The following MRNIP variants were observed in gnomAD, a reference collection of about 807,000 sequenced individuals.
MRNIP encodes MRN complex interacting protein, also known as MRN complex-interacting protein.
MRNIP carries 30 observed loss-of-function variants against 29.8 expected under a neutral mutation model. That is an observed-to-expected ratio of 1.01 (90% CI 0.75 to 1.36). The LOEUF is 1.36. Among genes scored for constraint, MRNIP ranks in the 40% most tolerant of loss-of-function variants. MRNIP has a pLI of 0.00. For missense variants in MRNIP, 459 were observed against 423.5 expected (o/e 1.08, Z -0.74); for synonymous variants, 201 against 164.1 (o/e 1.23, Z -1.72).
intron 4 of MRNIP, among the ~76,000 whole-genome samples, chr5:179,843,657 T>G (rs1315170470): frequency 6.6e-6 from 1 of 152,110 alleles, no homozygotes; most frequent in African/African-American, 2.4e-5. Flanking sequence ...GGAGGATCAC[T>G]TCAGCCCAGG....
At chr5:179,851,317 G>A (rs931765768) in intron 2 of MRNIP, 1 of 455,958 alleles carries the variant, frequency 2.2e-6, no homozygotes, top group Non-Finnish European at 4.4e-6. Flanking sequence ...GAGTCAGCCT[G>A]GGCCAACCAG....
intron 3 of MRNIP, among the ~76,000 whole-genome samples, chr5:179,845,354 G>A (rs1403754275): frequency 2.6e-5 from 4 of 151,926 alleles, no homozygotes; most frequent in Admixed American, 6.6e-5. Context: ...TCACTATGTT[G>A]GCCAGGCTGG....
intron 2 of MRNIP, chr5:179,851,109 G>T: frequency 2.4e-6 from 1 of 414,826 alleles, no homozygotes; most frequent in Non-Finnish European, 4.9e-6. Context: ...TGTTACTGTG[G>T]CCTAGTCAGC....
chr5:179,837,552 G>C lies in MRNIP; in HGVS notation c.871C>G (p.Pro291Ala), dbSNP rs1253993599. 1.2e-6 allele frequency: 2 copies of C among 1,614,212 alleles called. No homozygotes were observed. Among genetic ancestry groups the C allele is most frequent in the Non-Finnish European group, 1.7e-6 (2 of 1,180,022 alleles). The change falls in exon 7 of 7, where the codon CCC becomes GCC. Residue 291 changes from proline (P) to alanine (A), a missense_variant. Pro to Ala is a conservative substitution (Grantham distance 27, BLOSUM62 -1). Coordinates refer to ENST00000292586, the MANE Select transcript of MRNIP (RefSeq NM_016175.4). ...GGCCTCTCAGACCCAGATGTGACGG[G>C]GTGTGTGGCCCGAGGAAGCTGGACA... ...AAVQLPRATH[P>A]VTSGSERPCG...
At chr5:179,853,482 C>T in intron 1 of MRNIP, 45 bp from the exon 2 acceptor site, 5 of 1,531,076 alleles carry the variant, frequency 3.3e-6, no homozygotes, top group South Asian at 1.1e-5. Context: ...TTATTTAAAA[C>T]AAAATGGAAT....
chr5:179,851,678 C>CT (rs1246393473), intron 2 of MRNIP, among the ~76,000 whole-genome samples: 6 of 151,434 alleles, frequency 4.0e-5, no homozygotes, highest in Non-Finnish European at 5.9e-5. Flanking sequence ...TTTTTTTTCC[C>CT]TTTTTTAAAA....
intron 3 of MRNIP, among the ~76,000 whole-genome samples, chr5:179,846,758 G>C (rs1214479081): frequency 6.6e-6 from 1 of 152,152 alleles, no homozygotes; most frequent in East Asian, 1.9e-4. Flanking sequence ...AAATCTTAGA[G>C]ATATTTCCCC....
intron 2 of MRNIP, among the ~76,000 whole-genome samples, chr5:179,852,003 C>G (rs1759390921): frequency 6.6e-6 from 1 of 151,266 alleles, no homozygotes; most frequent in African/African-American, 2.4e-5. Context: ...TAAAAAATAT[C>G]AGGTGAAGGC....
Position 179,842,936 on chromosome 5 carries a change from G to A in MRNIP, c.292-872C>T, listed in dbSNP as rs550514476. 7.9e-5 allele frequency among the ~76,000 whole-genome samples: 12 copies of A among 151,970 alleles called. No homozygotes were observed. In the South Asian group the frequency reaches 2.5e-3, roughly 32 times the overall value. ...TAATCCCAGCTTCTTGGGAGGCTGA[G>A]GCAGGAGAATTGCTTGAACTCAGGA... On this transcript the variant is annotated intron_variant, in intron 4 of 6. Coordinates refer to ENST00000292586, the MANE Select transcript of MRNIP (RefSeq NM_016175.4).
intron 4 of MRNIP, among the ~76,000 whole-genome samples, chr5:179,842,516 T>TAA (rs768324237): frequency 4.2e-4 from 55 of 130,498 alleles, no homozygotes; most frequent in African/African-American, 1.3e-3. Flanking sequence ...CCGTCTCTAC[T>TAA]AAAAAAAAAA....
At chr5:179,849,387 G>C (rs951670666) in intron 2 of MRNIP, among the ~76,000 whole-genome samples, 1 of 151,308 alleles carries the variant, frequency 6.6e-6, no homozygotes, top group Non-Finnish European at 1.5e-5. Context: ...AATGACACAG[G>C]CAGATGGTAA....
chr5:179,857,507 T>C (rs1243181548), intron 1 of MRNIP, among the ~76,000 whole-genome samples: 1 of 152,056 alleles, frequency 6.6e-6, no homozygotes, highest in African/African-American at 2.4e-5. Flanking sequence ...GAAAATTTGT[T>C]TTTAAAAAAC....
chr5:179,842,190 A>G (rs992187434), intron 4 of MRNIP, 126 bp from the exon 5 acceptor site: 2 of 936,884 alleles, frequency 2.1e-6, no homozygotes. Flanking sequence ...TAGGAAAGGC[A>G]CCGGCTGGAA....
chr5:179,844,371 G>C, intron 3 of MRNIP, 144 bp from the exon 4 acceptor site: 1 of 641,610 alleles, frequency 1.6e-6, no homozygotes, highest in Non-Finnish European at 2.8e-6. Context: ...TGACGAACAC[G>C]GTGGTGCATA....
In MRNIP at chr5:179,858,011, C is replaced by CA. The variant is rs762726244; in HGVS notation, c.66+719dup. ...GGGCAACAAGAGCGAAACTCCGTCT[C>CA]AAAAAAAAAAAAAAAAGAAGAAGAA... is the stretch of plus-strand genomic sequence containing the variant. On this transcript the variant is annotated intron_variant, in intron 1 of 6. Coordinates refer to ENST00000292586, the MANE Select transcript of MRNIP (RefSeq NM_016175.4). Among the ~76,000 whole-genome samples, 334 of 77,220 alleles carry CA rather than the reference C, an allele frequency of 4.3e-3. 3 individuals are homozygous for CA. Among genetic ancestry groups the CA allele is most frequent in the Middle Eastern group, 8.2e-3 (1 of 122 alleles). The allele number at this position is 77,220 out of a possible 152,430, so 50.7% of individuals were successfully genotyped here. A position where few individuals can be genotyped will look rare whatever the true frequency, so the allele number is the denominator to read the frequency against.
At chr5:179,847,677 A>T (rs1582048978) in intron 3 of MRNIP, 2 of 259,214 alleles carry the variant, frequency 7.7e-6, no homozygotes, top group East Asian at 1.9e-4. Flanking sequence ...CTGTGTCAAG[A>T]GCCTTCAGCT....
rs1445357099 is a variant in MRNIP, at chr5:179,858,613, T to A, written c.66+118A>T. On this transcript the variant is annotated intron_variant, in intron 1 of 6. Transcript: ENST00000292586. The stretch of plus-strand genomic sequence containing the variant: ...AATGAGACCCGCCCTCAGCGGTCCC[T>A]GCACTCCTTCGGGCCCGGTGCATCC... 7.7e-6 allele frequency: 5 copies of A among 648,624 alleles called. No homozygotes were observed. The Admixed American group carries it at 9.3e-5, about 12-fold the overall frequency. The allele number at this position is 648,624 out of a possible 1,614,324, so 40.2% of individuals were successfully genotyped here.
chr5:179,851,249 A>G, intron 2 of MRNIP: 1 of 455,980 alleles, frequency 2.2e-6, no homozygotes, highest in Non-Finnish European at 4.4e-6. Flanking sequence ...CTACCTGGTA[A>G]GCCAGCCCCT....
At chr5:179,852,075 G>GT in intron 2 of MRNIP, among the ~76,000 whole-genome samples, 1 of 152,036 alleles carries the variant, frequency 6.6e-6, no homozygotes, top group East Asian at 1.9e-4. Flanking sequence ...GAGGTCAGGA[G>GT]TTCAAGACCA....
Sources: gnomAD v4.1 joint callset for allele counts (sites outside exome capture counted in the v4.1 genomes callset) on GRCh38, gnomAD v4.1.1 for gene constraint, MANE v1.5 for transcripts, NCBI Gene and HGNC (gene_info 2026-07-23, HGNC 2026-07-21) for gene names.